ERC1: variants seen among roughly 807,000 people sequenced by gnomAD.
The protein encoded by ERC1 is ELKS/RAB6-interacting/CAST family member 1.
In ERC1, 56 loss-of-function variants were observed where a neutral mutation model predicts 132.0. The observed-to-expected ratio is 0.42, with a 90% CI of 0.34 to 0.53. The LOEUF is 0.53. ERC1 is among the 20% of genes least tolerant of loss of function. The pLI, the probability that ERC1 is intolerant of heterozygous loss-of-function variation, is 0.03. For synonymous variants in ERC1, 478 were observed against 476.1 expected (o/e 1.00, Z -0.05); for missense variants, 1,202 against 1,349.9 (o/e 0.89, Z 1.72).
At chr12:1,485,391 G>C (rs543163055) in intron 18 of ERC1, among the ~76,000 whole-genome samples, 82 of 151,734 alleles carry the variant, frequency 5.4e-4, no homozygotes, top group South Asian at 1.2e-3. Flanking sequence ...TTTTAGTAGA[G>C]ACAGAGTTTC....
At chr12:1,270,306 C>T (rs2154330565) in intron 14 of ERC1, among the ~76,000 whole-genome samples, 1 of 152,248 alleles carries the variant, frequency 6.6e-6, no homozygotes, top group East Asian at 1.9e-4. Context: ...CTCCCGGGTT[C>T]AAGCGATTCT....
At chr12:1,288,445 T>C (rs897341284) in intron 14 of ERC1, among the ~76,000 whole-genome samples, 7 of 152,210 alleles carry the variant, frequency 4.6e-5, no homozygotes, top group African/African-American at 1.4e-4. Flanking sequence ...CAACTGGGAC[T>C]GTGAGGATGC....
At chr12:1,448,896 C>T (rs529561517) in intron 18 of ERC1, among the ~76,000 whole-genome samples, 95 of 152,374 alleles carry the variant, frequency 6.2e-4, no homozygotes, top group Non-Finnish European at 1.0e-3. Context: ...GCTGTAGGCA[C>T]TCAGTTGTCA....
intron 8 of ERC1, among the ~76,000 whole-genome samples, chr12:1,161,068 G>T (rs1016635275): frequency 6.6e-6 from 1 of 152,104 alleles, no homozygotes; most frequent in African/African-American, 2.4e-5. Flanking sequence ...ATGTTCTTGT[G>T]GGTCTCCCAG....
At chr12:1,322,248 A>C (rs1594986995) in intron 15 of ERC1, among the ~76,000 whole-genome samples, 2 of 141,958 alleles carry the variant, frequency 1.4e-5, no homozygotes, top group South Asian at 4.5e-4. Context: ...GAGTATTACT[A>C]ACTGAGAATG....
At chr12:1,232,572 A>G (rs1378059886) in intron 12 of ERC1, among the ~76,000 whole-genome samples, 1 of 151,974 alleles carries the variant, frequency 6.6e-6, no homozygotes, top group African/African-American at 2.4e-5. Flanking sequence ...CTTCTGCATA[A>G]CTGAGTTTCC....
intron 13 of ERC1, among the ~76,000 whole-genome samples, chr12:1,237,200 C>T (rs1208654908): frequency 6.6e-6 from 1 of 152,144 alleles, no homozygotes; most frequent in Non-Finnish European, 1.5e-5. Context: ...TATTAGGCTT[C>T]AGGGTTGTCA....
At chr12:1,130,338 AG>A (rs1948634167) in intron 7 of ERC1, among the ~76,000 whole-genome samples, 1 of 152,260 alleles carries the variant, frequency 6.6e-6, no homozygotes, top group South Asian at 2.1e-4. Context: ...CCTTTCTGTG[AG>A]GGTTTTCACA....
chr12:1,033,732 C>T (rs558325928), intron 2 of ERC1, among the ~76,000 whole-genome samples: 5 of 151,776 alleles, frequency 3.3e-5, no homozygotes, highest in South Asian at 2.1e-4. Context: ...TGAGTTCAAG[C>T]GATTCTCCTG....
chr12:1,480,944 G>A (rs534941348), intron 18 of ERC1: 69 of 702,238 alleles, frequency 9.8e-5, no homozygotes, highest in Non-Finnish European at 1.4e-4. Context: ...ACTCTGGGCA[G>A]TCTGTTGCAA....
intron 17 of ERC1, among the ~76,000 whole-genome samples, chr12:1,431,120 C>T (rs2092784400): frequency 6.6e-6 from 1 of 152,160 alleles, no homozygotes; most frequent in Non-Finnish European, 1.5e-5. Context: ...TATAACCGCT[C>T]CGGGGAGAAC....
chr12:1,043,754 T>C (rs1446199276), intron 2 of ERC1, among the ~76,000 whole-genome samples: 1 of 152,202 alleles, frequency 6.6e-6, no homozygotes, highest in Non-Finnish European at 1.5e-5. Context: ...AGGACGAAGT[T>C]GATAGAAGAT....
intron 14 of ERC1, among the ~76,000 whole-genome samples, chr12:1,289,361 AAAG>A (rs1461432381): frequency 6.6e-6 from 1 of 151,988 alleles, no homozygotes; most frequent in Non-Finnish European, 1.5e-5. Context: ...GTTTCTTTAA[AAAG>A]AAATTCTTCT....
chr12:1,021,541 T>C (rs1246575220), intron 1 of ERC1, among the ~76,000 whole-genome samples: 2 of 151,604 alleles, frequency 1.3e-5, no homozygotes, highest in Admixed American at 6.6e-5. Context: ...CTACTAAAAA[T>C]ACAAAAAATT....
intron 13 of ERC1, among the ~76,000 whole-genome samples, chr12:1,261,899 G>A (rs1353076484): frequency 6.6e-6 from 1 of 152,134 alleles, no homozygotes; most frequent in African/African-American, 2.4e-5. Context: ...TTTATCAACT[G>A]TTCATTAAGA....
At chr12:1,082,648 G>A (rs987424120) in intron 2 of ERC1, among the ~76,000 whole-genome samples, 2 of 151,532 alleles carry the variant, frequency 1.3e-5, no homozygotes, top group African/African-American at 2.4e-5. Context: ...ACGCCACCAC[G>A]CCCGGCTAAC....
chr12:1,030,343 G>A (rs974899967), intron 2 of ERC1, among the ~76,000 whole-genome samples: 2 of 152,172 alleles, frequency 1.3e-5, no homozygotes, highest in African/African-American at 4.8e-5. Flanking sequence ...GAAATGATCT[G>A]TGTCTCTGAT....
chr12:1,411,961 A>G (rs1463045297), intron 17 of ERC1, among the ~76,000 whole-genome samples: 2 of 152,216 alleles, frequency 1.3e-5, no homozygotes, highest in African/African-American at 2.4e-5. Flanking sequence ...CTCTACCAAA[A>G]TAGGATAACT....
intron 18 of ERC1, among the ~76,000 whole-genome samples, chr12:1,479,220 A>G (rs998438630): frequency 1.3e-5 from 2 of 151,664 alleles, no homozygotes; most frequent in African/African-American, 4.8e-5. Flanking sequence ...AGAGAGGAGC[A>G]TTTGTATAGC....
Sources: gnomAD v4.1 joint callset for allele counts (sites outside exome capture counted in the v4.1 genomes callset) on GRCh38, gnomAD v4.1.1 for gene constraint, MANE v1.5 for transcripts, NCBI Gene and HGNC (gene_info 2026-07-23, HGNC 2026-07-21) for gene names.